The following RNF144A variants were observed in gnomAD, a reference collection of about 807,000 sequenced individuals.
RNF144A encodes E3 ubiquitin-protein ligase RNF144A.
A neutral mutation model predicts 38.7 loss-of-function variants in RNF144A; 11 were observed. The ratio of observed to expected loss-of-function variants is 0.28; its 90% CI spans 0.18 to 0.47. The LOEUF (loss-of-function observed/expected upper bound fraction) is 0.47. RNF144A is among the 20% of genes least tolerant of loss of function. RNF144A has a pLI of 0.99. For synonymous variants in RNF144A, 149 were observed against 143.9 expected, an observed-to-expected ratio of 1.04 and a Z score of -0.25; for missense variants, 316 against 377.2, an observed-to-expected ratio of 0.84 and a Z score of 1.34.
intron 3 of RNF144A, among the ~76,000 whole-genome samples, chr2:7,000,760 A>T (rs1363855892): frequency 6.6e-6 from 1 of 151,742 alleles, no homozygotes; most frequent in Non-Finnish European, 1.5e-5. Context: ...ATTAGTTCTT[A>T]AAAAAAACAG....
chr2:6,924,890 A>G (rs1429443166), intron 1 of RNF144A, among the ~76,000 whole-genome samples: 1 of 152,234 alleles, frequency 6.6e-6, no homozygotes, highest in African/African-American at 2.4e-5. Flanking sequence ...TTGTGCACTC[A>G]CAAGCATAAC....
At chr2:6,928,415 G>T (rs1458497437) in intron 1 of RNF144A, among the ~76,000 whole-genome samples, 1 of 152,160 alleles carries the variant, frequency 6.6e-6, no homozygotes, top group Non-Finnish European at 1.5e-5. Flanking sequence ...AGGGCAGATG[G>T]CACCGAATGG....
chr2:7,024,681 C>G (rs392409), intron 7 of RNF144A, among the ~76,000 whole-genome samples, 165 bp downstream of exon 7: 41,298 of 152,102 alleles, frequency 0.27, 6,603 homozygotes, highest in Admixed American at 0.35. Flanking sequence ...AACATTAACT[C>G]ATGAGCGCCA....
chr2:6,923,093 C>T (rs994339324), intron 1 of RNF144A, among the ~76,000 whole-genome samples: 8 of 152,156 alleles, frequency 5.3e-5, no homozygotes, highest in Admixed American at 2.0e-4. Context: ...ACCACCTGCT[C>T]GACCCCTGCT....
intron 1 of RNF144A, among the ~76,000 whole-genome samples, chr2:6,923,036 T>C (rs1664642895): frequency 1.3e-5 from 2 of 152,190 alleles, no homozygotes; most frequent in Admixed American, 1.3e-4. Context: ...GTCTGCAGCC[T>C]CCTCTGCAAG....
chr2:7,042,450 C>T lies in RNF144A; in HGVS notation c.*2690C>T. The T allele has an allele frequency of 2.0e-6, 2 of 985,484 alleles. No homozygotes were observed. The highest frequency in any genetic ancestry group is 2.4e-6 in the Non-Finnish European group (2 of 829,948). 61.0% of individuals were successfully genotyped at this position (985,484 alleles called of 1,614,324 possible). A position where few individuals can be genotyped will look rare whatever the true frequency, so the allele number is the denominator to read the frequency against. On this transcript the variant is annotated 3_prime_UTR_variant, in exon 9 of 9. Transcript: ENST00000320892. ...CCCAGAAGCATATGGCATGTGTTCACTAAGAGGCCTTTAATCCTGGGGAGT... is the reference window on the plus strand; with the variant it reads ...CCCAGAAGCATATGGCATGTGTTCATTAAGAGGCCTTTAATCCTGGGGAGT...
chr2:6,918,043 T>G (rs1664248536), intron 1 of RNF144A, among the ~76,000 whole-genome samples: 1 of 151,636 alleles, frequency 6.6e-6, no homozygotes, highest in Non-Finnish European at 1.5e-5. Flanking sequence ...GCTTTCAAGG[T>G]TCGCGGCCCC....
intron 2 of RNF144A, among the ~76,000 whole-genome samples, chr2:6,981,166 T>C (rs1668609620): frequency 6.6e-6 from 1 of 152,192 alleles, no homozygotes; most frequent in African/African-American, 2.4e-5. Flanking sequence ...GCCTTGAAGA[T>C]CTCTGAAATG....
In RNF144A at chr2:7,001,908, A is replaced by G. The variant is rs547059935; in HGVS notation, c.135+4847A>G. On this transcript the variant is annotated intron_variant, in intron 3 of 8. Coordinates refer to ENST00000320892, the MANE Select transcript of RNF144A (RefSeq NM_014746.6). ...AAGCATCCTAACTTCTCTGAGCCTT[A>G]GTTTATTCATCTCTAAAATATGATC... 6.3e-4 allele frequency among the ~76,000 whole-genome samples: 96 copies of G among 152,320 alleles called. 1 individual carries two copies. The highest frequency in any genetic ancestry group is 2.1e-3 in the African/African-American group (87 of 41,578).
At chr2:6,956,689 T>C (rs1340310718) in intron 2 of RNF144A, among the ~76,000 whole-genome samples, 3 of 152,202 alleles carry the variant, frequency 2.0e-5, no homozygotes, top group African/African-American at 7.2e-5. Context: ...TGTTCTAATC[T>C]AGTGGCATCC....
rs1470844806 is a variant in RNF144A at position 7,042,029 on chromosome 2, C to A, written c.*2269C>A. 2 of 985,204 alleles carry A rather than the reference C, an allele frequency of 2.0e-6. No homozygotes were observed. The highest frequency in any genetic ancestry group is 2.4e-6 in the Non-Finnish European group (2 of 829,902). 61.0% of individuals were successfully genotyped at this position (985,204 alleles called of 1,614,324 possible). A position where few individuals can be genotyped will look rare whatever the true frequency, so the allele number is the denominator to read the frequency against. ...GGGACCACAGAGATTCTGGGGCCAG[C>A]CAGGGGCAGTCAAATTGGCACCTAC... On this transcript the variant is annotated 3_prime_UTR_variant, in exon 9 of 9. Coordinates refer to ENST00000320892, the MANE Select transcript of RNF144A (RefSeq NM_014746.6).
rs1235945794 is a variant in RNF144A, at chr2:7,014,775, A to G, written c.301+3A>G. ...TAAAAAGCTACAATTTGAAAGAGGT[A>G]GGTGCCTGGTATATCTGCCGGTTAT... On this transcript the variant is annotated splice_donor_region_variant and intron_variant, in intron 5 of 8. Transcript: ENST00000320892. The G allele has an allele frequency of 1.1e-5, 18 of 1,604,938 alleles. No individual in the cohort carries two copies. Among genetic ancestry groups the G allele is most frequent in the Middle Eastern group, 1.7e-4 (1 of 6,036 alleles).
chr2:6,996,921 T>C lies in RNF144A; in HGVS notation c.-6T>C, dbSNP rs1669782348. 6.2e-7 allele frequency: 1 copy of C among 1,613,298 alleles called. No homozygotes were observed. The highest frequency in any genetic ancestry group is 1.3e-5 in the African/African-American group (1 of 74,906). On this transcript the variant is annotated 5_prime_UTR_variant, in exon 3 of 9. Transcript: ENST00000320892. ...CCGTGCTTCTCTCGTTTCAGACTGTTCTGCGATGACCACAACAAGGTACCG... is the reference window on the plus strand; with the variant it reads ...CCGTGCTTCTCTCGTTTCAGACTGTCCTGCGATGACCACAACAAGGTACCG...
In RNF144A at chr2:7,041,269, T is replaced by C; in HGVS notation, c.*1509T>C. 6 of 985,796 alleles carry C rather than the reference T, an allele frequency of 6.1e-6. No individual in the cohort carries two copies. The highest frequency in any genetic ancestry group is 7.2e-6 in the Non-Finnish European group (6 of 829,936). The allele number at this position is 985,796 out of a possible 1,614,324, so 61.1% of individuals were successfully genotyped here. A position where few individuals can be genotyped will look rare whatever the true frequency, so the allele number is the denominator to read the frequency against. On this transcript the variant is annotated 3_prime_UTR_variant, in exon 9 of 9. Transcript: ENST00000320892. Reference sequence around the variant, plus strand: ...TGTTGCTTTGTGTGTGTTTGACTTCTGCATTTGAGTATCAGTCTCAGGTCC... The same window carrying C: ...TGTTGCTTTGTGTGTGTTTGACTTCCGCATTTGAGTATCAGTCTCAGGTCC...
At chr2:7,059,262 G>A (rs1163622172) in intron 6 of RNF144A, among the ~76,000 whole-genome samples, 1 of 152,124 alleles carries the variant, frequency 6.6e-6, no homozygotes, top group Non-Finnish European at 1.5e-5. Flanking sequence ...CAGGAGTATG[G>A]CATGAACCTG....
chr2:7,072,159 G>T (rs551873441), downstream of RNF144A, among the ~76,000 whole-genome samples: 1 of 152,232 alleles, frequency 6.6e-6, no homozygotes, highest in Non-Finnish European at 1.5e-5. Context: ...GCAGAGGCTG[G>T]GTAAATGTTT....
Position 7,039,788 on chromosome 2 carries a change from T to C in RNF144A, c.*28T>C, listed in dbSNP as rs1453295153. The C allele has an allele frequency of 6.2e-7, 1 of 1,609,504 alleles. No homozygotes were observed. The highest frequency in any genetic ancestry group is 8.5e-7 in the Non-Finnish European group (1 of 1,178,044). ...GAAGCGCGATGCTGGAACACATCCCTGCCTCCGGGAAGTGTGGCTCTCCCC... is the reference window on the plus strand; with the variant it reads ...GAAGCGCGATGCTGGAACACATCCCCGCCTCCGGGAAGTGTGGCTCTCCCC... On this transcript the variant is annotated 3_prime_UTR_variant, in exon 9 of 9. Coordinates refer to ENST00000320892, the MANE Select transcript of RNF144A (RefSeq NM_014746.6).
chr2:6,968,743 C>A (rs1401588512), intron 2 of RNF144A, among the ~76,000 whole-genome samples: 6 of 151,864 alleles, frequency 4.0e-5, no homozygotes, highest in Non-Finnish European at 7.4e-5. Flanking sequence ...CGCATCAACT[C>A]TTCTTCAGGG....
chr2:7,066,465 T>G (rs1674229799), intron 6 of RNF144A, among the ~76,000 whole-genome samples: 1 of 152,202 alleles, frequency 6.6e-6, no homozygotes, highest in Non-Finnish European at 1.5e-5. Flanking sequence ...AAAGAAGAAA[T>G]AATTACTTTT....
Sources: gnomAD v4.1 joint callset for allele counts (sites outside exome capture counted in the v4.1 genomes callset) on GRCh38, gnomAD v4.1.1 for gene constraint, MANE v1.5 for transcripts, NCBI Gene and HGNC (gene_info 2026-07-23, HGNC 2026-07-21) for gene names.